The following DNAH14 variants were observed in gnomAD, a reference collection of about 807,000 sequenced individuals.
DNAH14 encodes the protein axonemal beta dynein heavy chain 14.
In DNAH14, 478 loss-of-function variants were observed where a neutral mutation model predicts 520.9. The observed-to-expected ratio is 0.92, with a 90% CI of 0.85 to 0.99. The LOEUF is 0.99. DNAH14 is among the 50% of genes least tolerant of loss of function. The pLI is 0.00. For synonymous variants in DNAH14, 1,581 were observed against 1,757.2 expected (o/e 0.90, Z 2.51); for missense variants, 4,831 against 5,234.5 (o/e 0.92, Z 2.38).
chr1:225,336,004 TGTATAC>T (rs1430168076), intron 66 of DNAH14, among the ~76,000 whole-genome samples: 3 of 84,830 alleles, frequency 3.5e-5, no homozygotes, highest in African/African-American at 9.7e-5. Context: ...TATGCATATA[TGTATAC>T]GCATATATGC....
intron 48 of DNAH14, among the ~76,000 whole-genome samples, chr1:225,265,587 A>G (rs1479858667): frequency 6.6e-6 from 1 of 152,142 alleles, no homozygotes. Context: ...AGGCCAAAAG[A>G]AGCTACTGAA....
chr1:225,256,651 A>G (rs1299129047), intron 44 of DNAH14, among the ~76,000 whole-genome samples: 1 of 152,182 alleles, frequency 6.6e-6, no homozygotes, highest in Non-Finnish European at 1.5e-5. Context: ...TGAAGTAAAG[A>G]TAATTCCAAT....
intron 27 of DNAH14, among the ~76,000 whole-genome samples, chr1:225,128,018 A>G (rs1396792639): frequency 1.3e-5 from 2 of 152,266 alleles, no homozygotes; most frequent in South Asian, 4.1e-4. Flanking sequence ...CTTTTCTTTA[A>G]GAATGTTGAA....
chr1:225,207,320 G>A (rs2087712687), intron 41 of DNAH14, 100 bp downstream of exon 41: 4 of 1,278,376 alleles, frequency 3.1e-6, no homozygotes, highest in African/African-American at 1.5e-5. Context: ...CAAAGAGCAG[G>A]CATTTTTAGT....
chr1:225,051,358 T>G, intron 16 of DNAH14, 93 bp from the exon 17 acceptor site: 1 of 914,182 alleles, frequency 1.1e-6, no homozygotes, highest in Non-Finnish European at 1.6e-6. Context: ...ATAGCACTAT[T>G]ATTTTATTTT....
At chr1:225,357,163 A>G (rs2095438805) in intron 73 of DNAH14, among the ~76,000 whole-genome samples, 1 of 151,864 alleles carries the variant, frequency 6.6e-6, no homozygotes, top group African/African-American at 2.4e-5. Flanking sequence ...GCTATAGCCT[A>G]TTGGACTGAA....
chr1:225,035,495 T>C (rs1384555178), intron 11 of DNAH14, among the ~76,000 whole-genome samples: 1 of 149,660 alleles, frequency 6.7e-6, no homozygotes, highest in African/African-American at 2.5e-5. Flanking sequence ...GTTGTTTATT[T>C]GAAGTTTTTT....
At chr1:225,256,442 T>C (rs1174637779) in intron 44 of DNAH14, among the ~76,000 whole-genome samples, 1 of 151,606 alleles carries the variant, frequency 6.6e-6, no homozygotes, top group Admixed American at 6.6e-5. Flanking sequence ...AGAAAATAAA[T>C]AAATAAAATA....
intron 1 of DNAH14, among the ~76,000 whole-genome samples, chr1:224,950,350 T>A (rs1411163657): frequency 6.6e-6 from 1 of 152,210 alleles, no homozygotes; most frequent in Non-Finnish European, 1.5e-5. Flanking sequence ...TTTTCATGAA[T>A]TTTGCATGTT....
chr1:225,061,718 G>T (rs1406310325), intron 17 of DNAH14, among the ~76,000 whole-genome samples: 5 of 152,010 alleles, frequency 3.3e-5, no homozygotes, highest in African/African-American at 1.2e-4. Flanking sequence ...CTAACTCCTG[G>T]CCTCAAGTGA....
chr1:225,266,614 T>C, intron 48 of DNAH14, 27 bp from the exon 49 acceptor site: 2 of 1,416,228 alleles, frequency 1.4e-6, no homozygotes, highest in Non-Finnish European at 1.9e-6. Context: ...CTAATATATA[T>C]GTTTAAAACC....
At chr1:225,371,830 C>T (rs2095621943) in intron 77 of DNAH14, among the ~76,000 whole-genome samples, 1 of 152,016 alleles carries the variant, frequency 6.6e-6, no homozygotes, top group Admixed American at 6.6e-5. Context: ...AATTTAAATA[C>T]TCAGGAACAA....
rs542552706 is a variant in DNAH14 at position 224,964,570 on chromosome 1, C to T, written c.459C>T (p.Tyr153=). Residue 153 remains tyrosine, a synonymous_variant, in exon 5 of 86, where the codon TAC becomes TAT. Transcript: ENST00000682510. ...TATTACCGCAGCACAGTTTGAAATA[C>T]GGAAGCTCCAAAATTGCAATTCAGA... ...QTILPQHSLK[Y]GSSKIAIQKI... 24 of 1,603,900 alleles carry T rather than the reference C, an allele frequency of 1.5e-5. No individual in the cohort carries two copies. Among genetic ancestry groups the T allele is most frequent in the South Asian group, 4.5e-5 (4 of 88,706 alleles).
At chr1:225,195,377 C>T (rs1225822344) in intron 38 of DNAH14, among the ~76,000 whole-genome samples, 1 of 151,820 alleles carries the variant, frequency 6.6e-6, no homozygotes, top group African/African-American at 2.4e-5. Context: ...AGCCGGAGGC[C>T]ATTATCCTAA....
intron 8 of DNAH14, among the ~76,000 whole-genome samples, chr1:224,998,144 C>T (rs1172543171): frequency 6.6e-6 from 1 of 152,140 alleles, no homozygotes; most frequent in Non-Finnish European, 1.5e-5. Context: ...TCCCCTATTT[C>T]ATTCCTGTTC....
At chr1:225,208,957 A>G (rs1002124989) in intron 41 of DNAH14, among the ~76,000 whole-genome samples, 2 of 151,894 alleles carry the variant, frequency 1.3e-5, no homozygotes, top group African/African-American at 2.4e-5. Flanking sequence ...TATAGTTTTC[A>G]TCTCTCTTCT....
chr1:225,346,647 A>T lies in DNAH14; in HGVS notation c.11289A>T (p.Arg3763Ser), dbSNP rs1365381935. The change falls in exon 71 of 86, where the codon AGA becomes AGT. Residue 3763 changes from arginine (R) to serine (S), a missense_variant. By Grantham distance (110) the Arg-to-Ser change is moderately radical. Transcript: ENST00000682510. ...TTAAAAGTGCATTATCCCAGTCTAG[A>T]CTTACTAGTAAGTAAAAGTTACTAT... ...INIKSALSQS[R>S]LTSTFEIGES... The T allele has an allele frequency of 1.3e-6, 2 of 1,536,832 alleles. No individual in the cohort carries two copies. The highest frequency in any genetic ancestry group is 2.5e-5 in the East Asian group (1 of 40,760).
At chr1:225,384,571 A>T (rs1397539223) in intron 81 of DNAH14, among the ~76,000 whole-genome samples, 1 of 152,232 alleles carries the variant, frequency 6.6e-6, no homozygotes, top group African/African-American at 2.4e-5. Flanking sequence ...ACAGAAATAC[A>T]AACTACCATC....
At chr1:225,154,841 A>G (rs2080870839) in intron 34 of DNAH14, among the ~76,000 whole-genome samples, 1 of 152,080 alleles carries the variant, frequency 6.6e-6, no homozygotes, top group Admixed American at 6.5e-5. Context: ...TCAAAAATAC[A>G]TTTTTTGAAG....
Sources: gnomAD v4.1 joint callset for allele counts (sites outside exome capture counted in the v4.1 genomes callset) on GRCh38, gnomAD v4.1.1 for gene constraint, MANE v1.5 for transcripts, NCBI Gene and HGNC (gene_info 2026-07-23, HGNC 2026-07-21) for gene names.